Variants in PLEKHA6 observed in about 807,000 individuals in gnomAD.
PLEKHA6 encodes pleckstrin homology domain-containing family A member 6.
A neutral mutation model predicts 116.7 loss-of-function variants in PLEKHA6; 60 were observed. That is an observed-to-expected ratio of 0.51 (90% CI 0.42 to 0.64). The LOEUF (loss-of-function observed/expected upper bound fraction) is 0.64. PLEKHA6 is among the 30% of genes least tolerant of loss of function. The pLI is 0.00. For missense variants in PLEKHA6, 1,338 were observed against 1,422.7 expected (o/e 0.94, Z 0.96); for synonymous variants, 489 against 556.1 (o/e 0.88, Z 1.70).
chr1:204,310,123 T>C (rs538323150), intron 1 of PLEKHA6, among the ~76,000 whole-genome samples: 24 of 152,230 alleles, frequency 1.6e-4, no homozygotes, highest in African/African-American at 5.8e-4. Flanking sequence ...GGGTCACAGT[T>C]GGCCGACCCC....
intron 9 of PLEKHA6, among the ~76,000 whole-genome samples, chr1:204,253,277 G>T (rs984738695): frequency 2.0e-5 from 3 of 151,988 alleles, no homozygotes; most frequent in African/African-American, 7.3e-5. Flanking sequence ...CCCATTTTAT[G>T]ATTGAGAAAA....
chr1:204,313,693 C>G, intron 1 of PLEKHA6: 1 of 985,358 alleles, frequency 1.0e-6, no homozygotes, highest in Non-Finnish European at 1.2e-6. Flanking sequence ...AGATTTTCAC[C>G]TGACATTCTG....
At chr1:204,332,863 C>T (rs932587848) in intron 1 of PLEKHA6, among the ~76,000 whole-genome samples, 1 of 152,218 alleles carries the variant, frequency 6.6e-6, no homozygotes, top group African/African-American at 2.4e-5. Context: ...TATAAAGTCA[C>T]TGTGATTCTT....
intron 9 of PLEKHA6, among the ~76,000 whole-genome samples, chr1:204,254,010 T>C (rs1664937713): frequency 6.6e-6 from 1 of 152,206 alleles, no homozygotes; most frequent in Admixed American, 6.5e-5. Flanking sequence ...ACTGAATGCT[T>C]GGACAGCTGG....
chr1:204,347,993 C>CT (rs1465780034), intron 1 of PLEKHA6, among the ~76,000 whole-genome samples: 1 of 152,148 alleles, frequency 6.6e-6, no homozygotes, highest in African/African-American at 2.4e-5. Context: ...TCCCCAGCCT[C>CT]TACTCACCCA....
At chr1:204,336,563 CGTGTGTGTGTGT>C (rs10538125) in intron 1 of PLEKHA6, among the ~76,000 whole-genome samples, 1 of 148,924 alleles carries the variant, frequency 6.7e-6, no homozygotes, top group Non-Finnish European at 1.5e-5. Flanking sequence ...GGTGTGTGAG[CGTGTGTGTGTGT>C]GTGTGTGTGT....
chr1:204,264,990 T>G lies in PLEKHA6; in HGVS notation c.333A>C (p.Val111=). 1 of 1,614,168 alleles carries G rather than the reference T, an allele frequency of 6.2e-7. No homozygotes were observed. The highest frequency in any genetic ancestry group is 1.3e-5 in the African/African-American group (1 of 75,054). The change falls in exon 6 of 23, where the codon GTA becomes GTC. Residue 111 remains valine, a synonymous_variant. Coordinates refer to ENST00000272203, the MANE Select transcript of PLEKHA6 (RefSeq NM_014935.5). Reference sequence around the variant, plus strand: ...TGTTGTCTGAGGGCTGCACTGCGGCTACCCGGAAGCTCAGGAGGGGGATGC... The same window carrying G: ...TGTTGTCTGAGGGCTGCACTGCGGCGACCCGGAAGCTCAGGAGGGGGATGC... ...LGSIPLLSFR[V]AAVQPSDNIS... is the part of the protein sequence containing the mutation.
intron 1 of PLEKHA6, chr1:204,317,334 A>C: frequency 3.8e-6 from 1 of 260,986 alleles, no homozygotes; most frequent in East Asian, 1.7e-4. Context: ...TAAGATAACA[A>C]TCAGCGATGT....
intron 1 of PLEKHA6, among the ~76,000 whole-genome samples, chr1:204,375,854 G>A (rs1053218010): frequency 7.1e-6 from 1 of 140,246 alleles, no homozygotes; most frequent in Non-Finnish European, 1.6e-5. Flanking sequence ...GAGTGCTCTA[G>A]GTTACCTGTT....
intron 1 of PLEKHA6, among the ~76,000 whole-genome samples, chr1:204,348,139 G>T (rs959994633): frequency 2.0e-5 from 3 of 152,204 alleles, no homozygotes; most frequent in Non-Finnish European, 4.4e-5. Context: ...GCCTGGACAA[G>T]ATACCTTCTG....
intron 1 of PLEKHA6, among the ~76,000 whole-genome samples, chr1:204,371,801 A>C (rs1308911561): frequency 6.6e-6 from 1 of 152,260 alleles, no homozygotes; most frequent in Admixed American, 6.5e-5. Flanking sequence ...AGGATGAATA[A>C]TATCGAATCC....
chr1:204,235,023 GAT>G (rs1354284623), intron 17 of PLEKHA6, among the ~76,000 whole-genome samples: 2 of 106,346 alleles, frequency 1.9e-5, no homozygotes, highest in South Asian at 3.6e-4. Flanking sequence ...TCTAATAGCA[GAT>G]ATATATATAT....
Position 204,230,418 on chromosome 1 carries a change from T to C in PLEKHA6, c.2578A>G (p.Lys860Glu). Residue 860 changes from lysine (K) to glutamate (E), a missense_variant, in exon 18 of 23, where the codon AAA becomes GAA. Around this residue, in one of 3 missense-constraint regions of PLEKHA6, gnomAD observed 1,136 missense variants for 1,163.6 expected, o/e 0.98. Transcript: ENST00000272203. Reference protein sequence around the residue: ...APDPSPRPAYKVVRRHRSIHE... With the variant: ...APDPSPRPAYEVVRRHRSIHE... ...GGTAGCTGGGAAGGCATTACCACTT[T>C]GTAGGCTGGCCGGGGACTGGGGTCG... 6.3e-7 allele frequency: 1 copy of C among 1,578,610 alleles called. No individual in the cohort carries two copies. Among genetic ancestry groups the C allele is most frequent in the Non-Finnish European group, 8.6e-7 (1 of 1,163,072 alleles).
chr1:204,232,802 C>T (rs1228368542), intron 17 of PLEKHA6, among the ~76,000 whole-genome samples: 1 of 151,940 alleles, frequency 6.6e-6, no homozygotes, highest in Non-Finnish European at 1.5e-5. Context: ...CTCTGTGGTC[C>T]CAGAGGGCAG....
At chr1:204,279,132 G>A (rs567301445) in intron 1 of PLEKHA6, among the ~76,000 whole-genome samples, 1 of 152,166 alleles carries the variant, frequency 6.6e-6, no homozygotes, top group Non-Finnish European at 1.5e-5. Flanking sequence ...GGGTAGGGGC[G>A]CTTTGGGAAA....
chr1:204,360,547 G>A (rs373579728), upstream of PLEKHA6, among the ~76,000 whole-genome samples: 286 of 152,254 alleles, frequency 1.9e-3, 8 homozygotes, highest in South Asian at 0.054. Context: ...CTGTGCTCCT[G>A]TTCCTTCCGT....
intron 1 of PLEKHA6, among the ~76,000 whole-genome samples, chr1:204,290,177 A>G (rs1038272657): frequency 1.3e-5 from 2 of 152,252 alleles, no homozygotes; most frequent in Non-Finnish European, 2.9e-5. Flanking sequence ...TGTAAAGTTG[A>G]CAAGCTGATT....
chr1:204,344,031 A>G (rs544971730), intron 1 of PLEKHA6, among the ~76,000 whole-genome samples: 1 of 152,286 alleles, frequency 6.6e-6, no homozygotes, highest in East Asian at 1.9e-4. Flanking sequence ...GTGCGTGCCT[A>G]TAATCCCAGC....
At chr1:204,305,903 C>T (rs959327810) in intron 1 of PLEKHA6, among the ~76,000 whole-genome samples, 1 of 152,146 alleles carries the variant, frequency 6.6e-6, no homozygotes, top group Admixed American at 6.5e-5. Flanking sequence ...TTGCACTTTG[C>T]CCATCCCGCA....
Sources: allele counts gnomAD v4.1 joint callset (sites outside exome capture counted in the v4.1 genomes callset), GRCh38; gene constraint gnomAD v4.1.1; regional missense constraint gnomAD v4.1.1; transcripts MANE v1.5; gene names NCBI Gene and HGNC (gene_info 2026-07-23, HGNC 2026-07-21).